SLC12A6: variants seen among roughly 807,000 people sequenced by gnomAD.
The protein encoded by SLC12A6 is K-Cl cotransporter 3.
SLC12A6 carries 66 observed loss-of-function variants against 135.3 expected under a neutral mutation model. That is an observed-to-expected ratio of 0.49 (90% CI 0.40 to 0.60). The LOEUF is 0.60. SLC12A6 is among the 20% of genes least tolerant of loss of function. SLC12A6 has a pLI of 0.00. For synonymous variants in SLC12A6, 513 were observed against 508.8 expected, an observed-to-expected ratio of 1.01 and a Z score of -0.11; for missense variants, 1,058 against 1,452.3, an observed-to-expected ratio of 0.73 and a Z score of 4.41.
chr15:34,324,014 A>C (rs1015219307), intron 2 of SLC12A6, among the ~76,000 whole-genome samples: 1 of 152,128 alleles, frequency 6.6e-6, no homozygotes, highest in Non-Finnish European at 1.5e-5. Context: ...ATCATTTTGG[A>C]AAAAGTTCCA....
chr15:34,241,285 G>T lies in SLC12A6; in HGVS notation c.2215C>A (p.Arg739=). The T allele has an allele frequency of 1.2e-6, 2 of 1,611,722 alleles. No individual in the cohort carries two copies. Among genetic ancestry groups the T allele is most frequent in the Non-Finnish European group, 1.7e-6 (2 of 1,177,844 alleles). ...TCCTCCAATCGAAGCAAAGCAAACCGGGCTGCACTGAGGGACAGCCCACGG... is the reference window on the plus strand; with the variant it reads ...TCCTCCAATCGAAGCAAAGCAAACCTGGCTGCACTGAGGGACAGCCCACGG... ...GIRGLSLSAA[R]FALLRLEEGP... The change falls in exon 18 of 26, where the codon CGG becomes AGG. Residue 739 remains arginine, a synonymous_variant. Coordinates refer to ENST00000354181, the MANE Select transcript of SLC12A6 (RefSeq NM_001365088.1).
intron 2 of SLC12A6, among the ~76,000 whole-genome samples, chr15:34,297,868 C>T (rs1895978113): frequency 6.6e-6 from 1 of 152,032 alleles, no homozygotes; most frequent in African/African-American, 2.4e-5. Context: ...GTATTTTAGG[C>T]AAGGAAACAT....
chr15:34,298,242 C>T lies in SLC12A6; in HGVS notation c.272-22853G>A, dbSNP rs549247209. Among the ~76,000 whole-genome samples the T allele has an allele frequency of 1.8e-4, 27 of 152,020 alleles. No homozygotes were observed. The South Asian group carries it at 4.6e-3, about 26-fold the overall frequency. ...CTGTAATCCCAGCACTTTGGGAGGC[C>T]GAGGCAGGTGGATCACAAGGTCAGG... On this transcript the variant is annotated intron_variant, in intron 2 of 25. Coordinates refer to ENST00000354181, the MANE Select transcript of SLC12A6 (RefSeq NM_001365088.1).
Position 34,245,696 on chromosome 15 carries a change from C to T in SLC12A6, c.1821G>A (p.Leu607=), listed in dbSNP as rs779385122. Residue 607 remains leucine, a synonymous_variant, in exon 14 of 26, where the codon CTG becomes CTA. Transcript: ENST00000354181. ...AIAKDNIIPF[L]RVFGHSKANG... is the part of the protein sequence containing the mutation. The stretch of plus-strand genomic sequence containing the variant: ...GGCATAATAAAAGGTCACTCACCCT[C>T]AGAAACGGTATGATGTTATCCTTGG... 1.2e-6 allele frequency: 2 copies of T among 1,613,070 alleles called. No homozygotes were observed. Among genetic ancestry groups the T allele is most frequent in the Non-Finnish European group, 1.7e-6 (2 of 1,179,076 alleles).
chr15:34,310,245 A>AGT (rs778291758), intron 2 of SLC12A6, among the ~76,000 whole-genome samples: 1,609 of 103,164 alleles, frequency 0.016, 93 homozygotes, highest in Middle Eastern at 0.058. Context: ...CCTGGGCTCA[A>AGT]GTGTGTGTGT....
At chr15:34,284,255 T>C (rs541828725) in intron 2 of SLC12A6, among the ~76,000 whole-genome samples, 137 of 151,204 alleles carry the variant, frequency 9.1e-4, no homozygotes, top group African/African-American at 3.1e-3. Context: ...GTAATGTCCA[T>C]ATTACTTTCT....
At chr15:34,261,912 T>A (rs1893160436) in intron 3 of SLC12A6, among the ~76,000 whole-genome samples, 1 of 152,242 alleles carries the variant, frequency 6.6e-6, no homozygotes, top group African/African-American at 2.4e-5. Flanking sequence ...GGTGGGAATG[T>A]AAATTAGTTC....
At chr15:34,239,237 T>C (rs1891478308) in intron 19 of SLC12A6, 77 bp from the exon 20 acceptor site, 1 of 1,075,800 alleles carries the variant, frequency 9.3e-7, no homozygotes, top group African/African-American at 1.5e-5. Context: ...CTCCATATTA[T>C]ATCCCCCACC....
intron 2 of SLC12A6, among the ~76,000 whole-genome samples, chr15:34,323,543 A>G (rs1368575000): frequency 6.6e-6 from 1 of 152,202 alleles, no homozygotes; most frequent in East Asian, 1.9e-4. Context: ...TGATGATCTG[A>G]GGTGGAACAG....
intron 16 of SLC12A6, among the ~76,000 whole-genome samples, chr15:34,243,754 G>A (rs1891803164): frequency 6.6e-6 from 1 of 152,176 alleles, no homozygotes; most frequent in Admixed American, 6.5e-5. Context: ...TCTATTTAGT[G>A]CTTTTGCTCT....
At chr15:34,253,988 G>A (rs575686081) in intron 9 of SLC12A6, among the ~76,000 whole-genome samples, 11 of 152,292 alleles carry the variant, frequency 7.2e-5, no homozygotes, top group African/African-American at 2.2e-4. Context: ...AGGCCAAGGT[G>A]GGCCTTATAA....
intron 2 of SLC12A6, among the ~76,000 whole-genome samples, chr15:34,293,011 T>C (rs966002149): frequency 2.0e-5 from 3 of 152,178 alleles, no homozygotes; most frequent in Admixed American, 2.0e-4. Context: ...TCACCCTCCG[T>C]GGGCTGCACC....
intron 2 of SLC12A6, among the ~76,000 whole-genome samples, chr15:34,301,890 C>T (rs528111993): frequency 6.6e-6 from 1 of 152,168 alleles, no homozygotes; most frequent in African/African-American, 2.4e-5. Context: ...AACAGAGGCT[C>T]TTAAGCAAAC....
At position 34,233,741 on chromosome 15, in the gene SLC12A6, C is replaced by T; in HGVS notation, c.*140G>A. 1 of 699,520 alleles carries T rather than the reference C, an allele frequency of 1.4e-6. No homozygotes were observed. The highest frequency in any genetic ancestry group is 2.7e-5 in the East Asian group (1 of 36,648). 43.3% of individuals were successfully genotyped at this position (699,520 alleles called of 1,614,324 possible). ...AGCTCTTTTACACAGGTACTTGAGG[C>T]TCAGCTCATCAAGAGTTCAGTATGA... On this transcript the variant is annotated 3_prime_UTR_variant, in exon 26 of 26. Coordinates refer to ENST00000354181, the MANE Select transcript of SLC12A6 (RefSeq NM_001365088.1).
intron 2 of SLC12A6, among the ~76,000 whole-genome samples, chr15:34,290,015 G>T (rs1382547252): frequency 6.6e-6 from 1 of 152,070 alleles, no homozygotes; most frequent in African/African-American, 2.4e-5. Flanking sequence ...CTTGCCTTCT[G>T]CTAGCTTTTG....
chr15:34,264,867 C>A (rs551709207), intron 3 of SLC12A6, among the ~76,000 whole-genome samples: 12 of 152,242 alleles, frequency 7.9e-5, no homozygotes, highest in Admixed American at 4.6e-4. Flanking sequence ...AAATGTAATT[C>A]TTTTCCTCTT....
chr15:34,331,634 T>C (rs1204321016), intron 2 of SLC12A6, among the ~76,000 whole-genome samples: 4 of 152,216 alleles, frequency 2.6e-5, no homozygotes, highest in Non-Finnish European at 1.5e-5. Context: ...CATATTACAC[T>C]AGGTGTAAAT....
rs7170651 is a variant in SLC12A6 at position 34,329,822 on chromosome 15, C to G, written c.271+6588G>C. On this transcript the variant is annotated intron_variant, in intron 2 of 25. Coordinates refer to ENST00000354181, the MANE Select transcript of SLC12A6 (RefSeq NM_001365088.1). ...CTTGAGCTCAGGAGTTCCCAGACAT[C>G]TTCAAAGATAAAAGCTAAGAAATAG... 5.7e-3 allele frequency among the ~76,000 whole-genome samples: 870 copies of G among 152,278 alleles called. 7 individuals are homozygous for G. The highest frequency in any genetic ancestry group is 0.014 in the African/African-American group (594 of 41,562).
At chr15:34,336,378 G>C (rs1372473947) in intron 2 of SLC12A6, 32 bp downstream of exon 2, 1 of 1,573,154 alleles carries the variant, frequency 6.4e-7, no homozygotes. Flanking sequence ...ACCCAGTAAT[G>C]AAAGTATGCT....
Sources: gnomAD v4.1 joint callset for allele counts (sites outside exome capture counted in the v4.1 genomes callset) on GRCh38, gnomAD v4.1.1 for gene constraint, MANE v1.5 for transcripts, NCBI Gene and HGNC (gene_info 2026-07-23, HGNC 2026-07-21) for gene names.